OPCML: variants seen among roughly 807,000 people sequenced by gnomAD.
OPCML encodes opioid-binding protein/cell adhesion molecule.
OPCML carries 13 observed loss-of-function variants against 37.8 expected under a neutral mutation model. The ratio of observed to expected loss-of-function variants is 0.34; its 90% CI spans 0.22 to 0.55. OPCML has a LOEUF of 0.55. Ranked by LOEUF, OPCML falls within the 20% of genes least tolerant of loss-of-function variation. The pLI is 0.91. For missense variants in OPCML, 341 were observed against 435.6 expected (o/e 0.78, Z 1.93); for synonymous variants, 176 against 168.8 (o/e 1.04, Z -0.33).
intron 1 of OPCML, among the ~76,000 whole-genome samples, chr11:133,175,469 C>T (rs1432593264): frequency 4.4e-5 from 6 of 137,024 alleles, no homozygotes; most frequent in Admixed American, 7.7e-5. Context: ...ACAAGTGTAA[C>T]GGAAGAGAAA....
At chr11:133,197,910 A>G (rs1938600239) in intron 1 of OPCML, among the ~76,000 whole-genome samples, 1 of 152,182 alleles carries the variant, frequency 6.6e-6, no homozygotes, top group African/African-American at 2.4e-5. Flanking sequence ...GCCTGAAAAG[A>G]AGGCACATGG....
At chr11:132,736,416 A>G (rs1945260760) in intron 2 of OPCML, among the ~76,000 whole-genome samples, 1 of 152,168 alleles carries the variant, frequency 6.6e-6, no homozygotes, top group African/African-American at 2.4e-5. Flanking sequence ...GTTTTGGAGG[A>G]ATATGAATGG....
chr11:133,150,315 C>T (rs1454269120), intron 1 of OPCML, among the ~76,000 whole-genome samples: 1 of 152,182 alleles, frequency 6.6e-6, no homozygotes, highest in East Asian at 1.9e-4. Context: ...CCTCCAACAG[C>T]CCTGAGGGCT....
chr11:132,944,756 C>A (rs1468037901), intron 1 of OPCML, among the ~76,000 whole-genome samples: 1 of 152,154 alleles, frequency 6.6e-6, no homozygotes, highest in African/African-American at 2.4e-5. Context: ...GCTCTAAACC[C>A]CAGAGCTCCG....
At chr11:133,060,397 C>A (rs1314245616) in intron 1 of OPCML, among the ~76,000 whole-genome samples, 1 of 152,222 alleles carries the variant, frequency 6.6e-6, no homozygotes, top group African/African-American at 2.4e-5. Context: ...GCATCTGACA[C>A]AATAGCCGCA....
intron 2 of OPCML, among the ~76,000 whole-genome samples, chr11:132,810,375 A>G (rs1308109991): frequency 6.6e-6 from 1 of 152,178 alleles, no homozygotes; most frequent in Non-Finnish European, 1.5e-5. Flanking sequence ...ATAGTGATGG[A>G]AACTTCCAAG....
chr11:133,144,608 G>C (rs4323877), intron 1 of OPCML, among the ~76,000 whole-genome samples: 130,869 of 152,204 alleles, frequency 0.86, 57,091 homozygotes, highest in East Asian at 0.96. Flanking sequence ...TCAAAGCTTC[G>C]TAAGCATTTG....
chr11:132,442,260 C>T (rs1004996536), intron 4 of OPCML, among the ~76,000 whole-genome samples: 2 of 152,132 alleles, frequency 1.3e-5, no homozygotes, highest in African/African-American at 4.8e-5. Context: ...TGTAGTGAGT[C>T]AAACAGATTT....
At chr11:133,147,239 A>G (rs891770671) in intron 1 of OPCML, among the ~76,000 whole-genome samples, 2 of 152,118 alleles carry the variant, frequency 1.3e-5, no homozygotes, top group African/African-American at 2.4e-5. Flanking sequence ...TCTCACCAAC[A>G]CAGAGGAACA....
chr11:133,397,642 A>C (rs1945316576), intron 1 of OPCML, among the ~76,000 whole-genome samples: 1 of 152,258 alleles, frequency 6.6e-6, no homozygotes, highest in African/African-American at 2.4e-5. Context: ...ACATTGGCTT[A>C]TGCCATTTGT....
chr11:132,435,051 A>C (rs2096008586), intron 7 of OPCML: 1 of 545,690 alleles, frequency 1.8e-6, no homozygotes, highest in African/African-American at 1.9e-5. Context: ...TACCTCAGAG[A>C]CATAAATTAC....
chr11:132,482,546 G>A (rs1029517935), intron 4 of OPCML, among the ~76,000 whole-genome samples: 1 of 152,206 alleles, frequency 6.6e-6, no homozygotes, highest in African/African-American at 2.4e-5. Context: ...TAGAAAAAGA[G>A]GGAATCATCC....
chr11:132,701,826 T>C (rs1943836593), intron 2 of OPCML, among the ~76,000 whole-genome samples: 1 of 151,698 alleles, frequency 6.6e-6, no homozygotes, highest in South Asian at 2.1e-4. Context: ...TTCCTTTTTT[T>C]TTTATCTTTT....
chr11:133,496,650 C>A (rs1238123612), intron 1 of OPCML, among the ~76,000 whole-genome samples: 1 of 152,206 alleles, frequency 6.6e-6, no homozygotes, highest in Non-Finnish European at 1.5e-5. Flanking sequence ...TATTTTATAG[C>A]TTTTGCAGCT....
rs1939057042 is a variant in OPCML at position 133,206,234 on chromosome 11, A to C, written c.62-263224T>G. 6.6e-6 allele frequency among the ~76,000 whole-genome samples: 1 copy of C among 152,236 alleles called. No homozygotes were observed. The highest frequency in any genetic ancestry group is 2.4e-5 in the African/African-American group (1 of 41,472). On this transcript the variant is annotated intron_variant, in intron 1 of 7. Transcript: ENST00000524381. The surrounding 1 kb of genome is among the most constrained non-coding windows in gnomAD (Gnocchi z 4.7). ...GCTCAATGAATGCGAGCAGTACATT[A>C]AAGATCAGCAGTACATTAAGATCAG...
chr11:132,829,008 A>G (rs1940529571), intron 2 of OPCML, among the ~76,000 whole-genome samples: 1 of 152,202 alleles, frequency 6.6e-6, no homozygotes, highest in African/African-American at 2.4e-5. Flanking sequence ...AACTTTCCCA[A>G]CACAGCAAGA....
chr11:132,889,690 T>C (rs1205849579), intron 2 of OPCML, among the ~76,000 whole-genome samples: 2 of 152,234 alleles, frequency 1.3e-5, no homozygotes, highest in Non-Finnish European at 2.9e-5. Flanking sequence ...CATGGTTTAC[T>C]TTTGTTCTGG....
At chr11:132,655,574 T>C (rs969567140) in intron 3 of OPCML, among the ~76,000 whole-genome samples, 1 of 152,194 alleles carries the variant, frequency 6.6e-6, no homozygotes, top group Admixed American at 6.5e-5. Flanking sequence ...GGATGGCGTG[T>C]GTGAACGCCT....
intron 2 of OPCML, among the ~76,000 whole-genome samples, chr11:132,824,540 C>T (rs1326378183): frequency 2.0e-5 from 3 of 152,148 alleles, no homozygotes; most frequent in African/African-American, 7.2e-5. Context: ...TTTATATACA[C>T]TTTGTCTCCA....
Sources: gnomAD v4.1 joint callset for allele counts (sites outside exome capture counted in the v4.1 genomes callset) on GRCh38, gnomAD v4.1.1 for gene constraint, Gnocchi (gnomAD v3.1) non-coding constraint, MANE v1.5 for transcripts, NCBI Gene and HGNC (gene_info 2026-07-23, HGNC 2026-07-21) for gene names.